The following CDH7 variants were observed in gnomAD, a reference collection of about 807,000 sequenced individuals.
CDH7 encodes the protein cadherin-7.
Under a neutral mutation model 71.8 loss-of-function variants are expected in CDH7, and 25 were observed. The ratio of observed to expected loss-of-function variants is 0.35; its 90% confidence interval spans 0.25 to 0.49. CDH7 has a LOEUF of 0.49. CDH7 is among the 20% of genes least tolerant of loss of function. The pLI, the probability that CDH7 is intolerant of heterozygous loss-of-function variation, is 0.99. For missense variants in CDH7, 862 were observed against 974.6 expected, an observed-to-expected ratio of 0.88 and a Z score of 1.54; for synonymous variants, 381 against 363.8, an observed-to-expected ratio of 1.05 and a Z score of -0.54.
At chr18:65,879,164 G>A (rs756145203) in intron 11 of CDH7, among the ~76,000 whole-genome samples, 2 of 152,116 alleles carry the variant, frequency 1.3e-5, no homozygotes, top group Admixed American at 6.5e-5. Context: ...CCTGGTTACT[G>A]CATTTAAGTA....
At chr18:65,802,318 A>T (rs1911152545) in intron 2 of CDH7, among the ~76,000 whole-genome samples, 1 of 152,204 alleles carries the variant, frequency 6.6e-6, no homozygotes. Context: ...TGAAAAAATC[A>T]GTTCCCATTA....
chr18:65,809,101 A>G (rs1911430584), intron 2 of CDH7, among the ~76,000 whole-genome samples: 1 of 152,078 alleles, frequency 6.6e-6, no homozygotes, highest in Non-Finnish European at 1.5e-5. Flanking sequence ...TAAAATTCCT[A>G]CTTGAGAGAG....
intron 6 of CDH7, among the ~76,000 whole-genome samples, chr18:65,834,238 G>A (rs1159270852): frequency 1.3e-5 from 2 of 152,214 alleles, no homozygotes; most frequent in African/African-American, 4.8e-5. Context: ...GAATGGAATG[G>A]AGATGTGTAG....
At chr18:65,789,846 G>C (rs1910647153) in intron 2 of CDH7, among the ~76,000 whole-genome samples, 1 of 152,040 alleles carries the variant, frequency 6.6e-6, no homozygotes, top group South Asian at 2.1e-4. Flanking sequence ...CACATAGTAG[G>C]TACTATTCAA....
Position 65,886,778 on chromosome 18 carries a change from GA to G in CDH7, c.*5888del, listed in dbSNP as rs1914383962. 6.6e-6 allele frequency: 1 copy of G among 152,134 alleles called. No individual in the cohort carries two copies. The allele number at this position is 152,134 out of a possible 1,614,324, so 9.4% of individuals were successfully genotyped here. A position where few individuals can be genotyped will look rare whatever the true frequency, so the allele number is the denominator to read the frequency against. ...AGATGCAATGATATTGACTTAACAT[GA>G]AAACCATCCTGAATGCAATGCACTC... On this transcript the variant is annotated 3_prime_UTR_variant, in exon 12 of 12. Transcript: ENST00000397968.
intron 1 of CDH7, among the ~76,000 whole-genome samples, chr18:65,760,866 C>T (rs1916170533): frequency 6.6e-6 from 1 of 152,182 alleles, no homozygotes; most frequent in African/African-American, 2.4e-5. Context: ...AAGCACGTCC[C>T]TGCCTTTTTA....
chr18:65,790,074 A>G (rs1910656914), intron 2 of CDH7, among the ~76,000 whole-genome samples: 2 of 151,760 alleles, frequency 1.3e-5, no homozygotes, highest in Non-Finnish European at 2.9e-5. Flanking sequence ...CTAAAAATAC[A>G]AAAAAATTAG....
At chr18:65,778,909 A>T (rs563902046) in intron 2 of CDH7, among the ~76,000 whole-genome samples, 1 of 152,208 alleles carries the variant, frequency 6.6e-6, no homozygotes, top group South Asian at 2.1e-4. Context: ...AAACTAATAG[A>T]TTCTCCAGAA....
At chr18:65,763,349 G>T (rs1916259513) in intron 2 of CDH7, among the ~76,000 whole-genome samples, 1 of 152,128 alleles carries the variant, frequency 6.6e-6, no homozygotes, top group African/African-American at 2.4e-5. Flanking sequence ...TTGATAAACT[G>T]TCGTTACCAA....
Position 65,809,889 on chromosome 18 carries a change from C to T in CDH7, c.396C>T (p.Pro132=), listed in dbSNP as rs375915432. 7.4e-6 allele frequency: 12 copies of T among 1,613,820 alleles called. No homozygotes were observed. Among genetic ancestry groups the T allele is most frequent in the South Asian group, 4.4e-5 (4 of 91,080 alleles). The change falls in exon 3 of 12, where the codon CCC becomes CCT. Residue 132 remains proline (P), a synonymous_variant. Transcript: ENST00000397968. ...AQALDRLTNK[P]VEPESEFVIK... Reference sequence around the variant, plus strand: ...CGCTGGATAGGCTCACCAACAAACCCGTGGAGCCCGAGTCGGAGTTTGTCA... The same window carrying T: ...CGCTGGATAGGCTCACCAACAAACCTGTGGAGCCCGAGTCGGAGTTTGTCA...
At chr18:65,781,243 C>G (rs1200057908) in intron 2 of CDH7, among the ~76,000 whole-genome samples, 11 of 152,010 alleles carry the variant, frequency 7.2e-5, no homozygotes, top group Admixed American at 6.6e-4. Flanking sequence ...GTGCTTACTG[C>G]CCTTTTACAT....
At position 65,810,010 on chromosome 18, in the gene CDH7, A is replaced by C. The variant is rs747830944; in HGVS notation, c.505+12A>C. 4 of 1,599,836 alleles carry C rather than the reference A, an allele frequency of 2.5e-6. No individual in the cohort carries two copies. The South Asian group carries it at 4.4e-5, about 18-fold the overall frequency. On this transcript the variant is annotated intron_variant, in intron 3 of 11. Transcript: ENST00000397968. ...AATGTCTCCCGTGGGTAAGTAAAGA[A>C]CACTCTGCTTTTGTAGCTTGTGGCC... is the stretch of plus-strand genomic sequence containing the variant.
intron 11 of CDH7, among the ~76,000 whole-genome samples, chr18:65,877,355 A>G (rs1241051444): frequency 6.6e-6 from 1 of 152,120 alleles, no homozygotes; most frequent in African/African-American, 2.4e-5. Flanking sequence ...TATCAGTAGC[A>G]TGAAATACAT....
Position 65,862,675 on chromosome 18 carries a change from C to T in CDH7, c.1622C>T (p.Ala541Val). 1 of 1,614,036 alleles carries T rather than the reference C, an allele frequency of 6.2e-7. No individual in the cohort carries two copies. Among genetic ancestry groups the T allele is most frequent in the Non-Finnish European group, 8.5e-7 (1 of 1,179,922 alleles). Residue 541 changes from alanine (A) to valine (V), a missense_variant, in exon 11 of 12, where the codon GCC (alanine) becomes GTC (valine). By Grantham distance (64) the Ala-to-Val change is moderately conservative (BLOSUM62 0). Coordinates refer to ENST00000397968, the MANE Select transcript of CDH7 (RefSeq NM_004361.5). The stretch of plus-strand genomic sequence containing the variant: ...GCTTTCGTTATCCTAGACAACACAG[C>T]CTCAATACTGACCAGGAGAAACGGC... ...FSLKDNKDNTASILTRRNGFR... is the reference protein window; with the variant it reads ...FSLKDNKDNTVSILTRRNGFR...
chr18:65,807,121 G>A (rs909397268), intron 2 of CDH7, among the ~76,000 whole-genome samples: 1 of 151,998 alleles, frequency 6.6e-6, no homozygotes, highest in Admixed American at 6.6e-5. Flanking sequence ...GGTGGGGCAC[G>A]GCTGGGGCAT....
intron 2 of CDH7, among the ~76,000 whole-genome samples, chr18:65,796,058 T>A (rs1266689957): frequency 6.6e-6 from 1 of 152,140 alleles, no homozygotes; most frequent in East Asian, 1.9e-4. Context: ...ATAAATAAAT[T>A]ACCCAGTCTC....
At chr18:65,791,153 T>C (rs569596291) in intron 2 of CDH7, among the ~76,000 whole-genome samples, 254 of 152,352 alleles carry the variant, frequency 1.7e-3, no homozygotes, top group African/African-American at 5.9e-3. Context: ...AATGACACCT[T>C]TGTCTTTTAG....
At chr18:65,839,482 T>A (rs893593148) in intron 6 of CDH7, among the ~76,000 whole-genome samples, 1 of 152,166 alleles carries the variant, frequency 6.6e-6, no homozygotes, top group Non-Finnish European at 1.5e-5. Context: ...CACCTCCTAA[T>A]GGCATCACCT....
At chr18:65,871,182 C>T (rs1434673276) in intron 11 of CDH7, among the ~76,000 whole-genome samples, 1 of 152,226 alleles carries the variant, frequency 6.6e-6, no homozygotes, top group East Asian at 1.9e-4. Context: ...CCAAAAAGTT[C>T]GGAACTGAAT....
Sources: gnomAD v4.1 joint callset for allele counts (sites outside exome capture counted in the v4.1 genomes callset) on GRCh38, gnomAD v4.1.1 for gene constraint, MANE v1.5 for transcripts, NCBI Gene and HGNC (gene_info 2026-07-23, HGNC 2026-07-21) for gene names.